Variants in DOCK7 observed in about 807,000 individuals in gnomAD.
The protein encoded by DOCK7 is dedicator of cytokinesis 7.
Under a neutral mutation model 271.0 loss-of-function variants are expected in DOCK7, and 138 were observed. That is an observed-to-expected ratio of 0.51 (90% CI 0.44 to 0.59). The LOEUF (loss-of-function observed/expected upper bound fraction) is 0.59, where lower values mean the gene tolerates loss of function less well. DOCK7 is among the 20% of genes least tolerant of loss of function. The probability of loss-of-function intolerance (pLI) is 0.00; values close to 1 mark genes in which losing one functional copy is unlikely to be tolerated. For synonymous variants in DOCK7, 823 were observed against 876.1 expected, an observed-to-expected ratio of 0.94 and a Z score of 1.07; for missense variants, 2,066 against 2,592.4, an observed-to-expected ratio of 0.80 and a Z score of 4.41.
rs1422512626 is a variant in DOCK7, at chr1:62,651,308, G to A, written c.389+2417C>T. 2.5e-5 allele frequency among the ~76,000 whole-genome samples: 3 copies of A among 120,162 alleles called. 1 individual carries two copies. The highest frequency in any genetic ancestry group is 8.8e-5 in the Admixed American group (1 of 11,330). 78.8% of individuals were successfully genotyped at this position (120,162 alleles called of 152,430 possible). ...AGGGGCCTGTTGTGGGGTGGGGGGA[G>A]GGGGAGGGGGAGGGATAGCATTAGG... On this transcript the variant is annotated intron_variant, in intron 4 of 49. Coordinates refer to ENST00000635253, the MANE Select transcript of DOCK7 (RefSeq NM_001367561.1).
rs1398200004 is a variant in DOCK7 at position 62,485,622 on chromosome 1, G to A, written c.5508+1776C>T. 2.4e-5 allele frequency: 24 copies of A among 985,100 alleles called. No homozygotes were observed. The South Asian group carries it at 8.9e-4, about 37-fold the overall frequency. The allele number at this position is 985,100 out of a possible 1,614,324, so 61.0% of individuals were successfully genotyped here. On this transcript the variant is annotated intron_variant, in intron 43 of 49. Coordinates refer to ENST00000635253, the MANE Select transcript of DOCK7 (RefSeq NM_001367561.1). The stretch of plus-strand genomic sequence containing the variant: ...AAACAAAATTACTGAAGTTTTCATC[G>A]AGTCAAAAAGAAAAATATACACAAG...
intron 42 of DOCK7, 155 bp from the exon 43 acceptor site, chr1:62,487,567 A>G (rs1276000957): frequency 5.1e-6 from 3 of 587,140 alleles, no homozygotes; most frequent in Non-Finnish European, 8.6e-6. Context: ...ACCTGCAATA[A>G]TTTCATAAAT....
At chr1:62,578,471 G>A (rs1034190229) in intron 17 of DOCK7, among the ~76,000 whole-genome samples, 2 of 152,108 alleles carry the variant, frequency 1.3e-5, no homozygotes, top group African/African-American at 4.8e-5. Flanking sequence ...TGTAATCCTA[G>A]CACTTTGGGA....
At chr1:62,644,153 T>C (rs1003084304) in intron 7 of DOCK7, among the ~76,000 whole-genome samples, 1 of 152,164 alleles carries the variant, frequency 6.6e-6, no homozygotes, top group African/African-American at 2.4e-5. Context: ...TTAAAGTGAA[T>C]TCCTCTAAAA....
chr1:62,510,514 T>C (rs1469356730), intron 34 of DOCK7, 63 bp downstream of exon 34: 1 of 1,243,426 alleles, frequency 8.0e-7, no homozygotes, highest in East Asian at 2.4e-5. Flanking sequence ...AAGTTATCAT[T>C]TTCCTCTTAC....
chr1:62,479,919 A>T (rs1486756391), intron 43 of DOCK7, among the ~76,000 whole-genome samples: 1 of 152,148 alleles, frequency 6.6e-6, no homozygotes, highest in East Asian at 1.9e-4. Flanking sequence ...TCCTGGGCTC[A>T]AGTGATCTAG....
intron 48 of DOCK7, among the ~76,000 whole-genome samples, chr1:62,470,614 T>C (rs1274711069): frequency 6.6e-6 from 1 of 152,040 alleles, no homozygotes; most frequent in Non-Finnish European, 1.5e-5. Context: ...ACCAACATGA[T>C]GAAACCCCAT....
intron 32 of DOCK7, 46 bp downstream of exon 32, chr1:62,513,670 A>G: frequency 6.2e-7 from 1 of 1,605,352 alleles, no homozygotes; most frequent in Non-Finnish European, 8.5e-7. Flanking sequence ...TTTCCACATT[A>G]TGTTTCTCCT....
At chr1:62,496,215 A>T (rs546323560) in intron 38 of DOCK7, 124 bp downstream of exon 38, 1 of 1,008,652 alleles carries the variant, frequency 9.9e-7, no homozygotes, top group Non-Finnish European at 1.5e-6. Context: ...ATGGCACATG[A>T]TGTGTGGATT....
chr1:62,573,206 CAAGAA>C (rs1406555023), intron 18 of DOCK7, among the ~76,000 whole-genome samples: 1 of 151,838 alleles, frequency 6.6e-6, no homozygotes, highest in Non-Finnish European at 1.5e-5. Flanking sequence ...ATGTCAAGAT[CAAGAA>C]AAGAAAAGAG....
At chr1:62,683,493 C>A (rs909298434) in intron 1 of DOCK7, among the ~76,000 whole-genome samples, 5 of 152,126 alleles carry the variant, frequency 3.3e-5, no homozygotes, top group African/African-American at 1.2e-4. Context: ...GGAAACCTTT[C>A]ATTAAATTAT....
intron 49 of DOCK7, 144 bp from the exon 50 acceptor site, chr1:62,455,600 A>G: frequency 1.4e-6 from 1 of 709,088 alleles, no homozygotes; most frequent in East Asian, 2.7e-5. Flanking sequence ...TGCTCATCCT[A>G]CCTACTCTGC....
At chr1:62,631,586 C>T (rs1352291563) in intron 10 of DOCK7, among the ~76,000 whole-genome samples, 181 bp from the exon 11 acceptor site, 2 of 152,130 alleles carry the variant, frequency 1.3e-5, no homozygotes, top group Non-Finnish European at 2.9e-5. Context: ...ACAAACTCAA[C>T]ACATTCTACA....
intron 14 of DOCK7, among the ~76,000 whole-genome samples, chr1:62,589,945 T>C (rs535547615): frequency 5.3e-5 from 8 of 150,184 alleles, no homozygotes; most frequent in Non-Finnish European, 1.2e-4. Context: ...AAGAATGGCA[T>C]CTTAAGAAAT....
rs1378725259 is a variant in DOCK7, at chr1:62,535,584, A to C, written c.3520T>G (p.Phe1174Val). ...TGGCGGAAAGGCACGGATAATTCAA[A>C]CATATTTGCAATCTTTTGGTCTTGT... ...NVQDQKIANM[F>V]ELSVPFRQQH... The change falls in exon 29 of 50, where the codon TTT becomes GTT. Residue 1174 changes from phenylalanine (F) to valine (V), a missense_variant. Physicochemically the swap from Phe to Val is conservative, Grantham distance 50 (BLOSUM62 -1). Coordinates refer to ENST00000635253, the MANE Select transcript of DOCK7 (RefSeq NM_001367561.1). 3.7e-6 allele frequency: 6 copies of C among 1,614,036 alleles called. No individual in the cohort carries two copies. The highest frequency in any genetic ancestry group is 5.1e-6 in the Non-Finnish European group (6 of 1,179,960).
In DOCK7 at chr1:62,555,958, C is replaced by T. The variant is rs1646128755; in HGVS notation, c.2463G>A (p.Met821Ile). The change falls in exon 21 of 50, where the codon ATG (methionine) becomes ATA (isoleucine). Residue 821 changes from methionine (M) to isoleucine (I), a missense_variant. Met to Ile is a conservative substitution (Grantham distance 10). Around this residue, in one of 2 missense-constraint regions of DOCK7, gnomAD observed 1,414 missense variants for 1,670.4 expected, o/e 0.85. Coordinates refer to ENST00000635253, the MANE Select transcript of DOCK7 (RefSeq NM_001367561.1). The part of the protein sequence containing the change: ...VNLGQASFEA[M>I]ASIINRLHKN... ...TGTGAAGTCGATTTATAATTGATGC[C>T]ATGGCTTCAAAAGATGCTTGACCTA... 6.2e-7 allele frequency: 1 copy of T among 1,613,570 alleles called. No homozygotes were observed. The highest frequency in any genetic ancestry group is 1.3e-5 in the African/African-American group (1 of 74,896).
In DOCK7 at chr1:62,633,397, G is replaced by C. The variant is rs1654866262; in HGVS notation, c.1116+101C>G. The C allele has an allele frequency of 4.2e-5, 36 of 859,116 alleles. No homozygotes were observed. The South Asian group carries it at 5.5e-4, about 13-fold the overall frequency. 53.2% of individuals were successfully genotyped at this position (859,116 alleles called of 1,614,324 possible). The stretch of plus-strand genomic sequence containing the variant: ...TTAATATGCTTTGTTGCATATTAAA[G>C]CTATTAATTGCTATTGCATATAAAA... On this transcript the variant is annotated intron_variant, in intron 10 of 49. Coordinates refer to ENST00000635253, the MANE Select transcript of DOCK7 (RefSeq NM_001367561.1).
In DOCK7 at chr1:62,455,464, A is replaced by G. The variant is rs745471049; in HGVS notation, c.6381-8T>C. The stretch of plus-strand genomic sequence containing the variant: ...ATTCGACTGAAGGAATCTCTGGGAA[A>G]AAAATGAGAGGACATAGTTAGTTAA... On this transcript the variant is annotated splice_polypyrimidine_tract_variant and splice_region_variant and intron_variant, in intron 49 of 49. Coordinates refer to ENST00000635253, the MANE Select transcript of DOCK7 (RefSeq NM_001367561.1). 2 of 1,613,456 alleles carry G rather than the reference A, an allele frequency of 1.2e-6. No individual in the cohort carries two copies. Among genetic ancestry groups the G allele is most frequent in the South Asian group, 2.2e-5 (2 of 91,054 alleles).
chr1:62,566,825 C>T (rs1450319419), intron 18 of DOCK7, among the ~76,000 whole-genome samples: 1 of 152,088 alleles, frequency 6.6e-6, no homozygotes, highest in Non-Finnish European at 1.5e-5. Flanking sequence ...ACCAGAACTA[C>T]AAAGAACTTA....
Sources: gnomAD v4.1 joint callset for allele counts (sites outside exome capture counted in the v4.1 genomes callset) on GRCh38, gnomAD v4.1.1 for gene constraint, gnomAD v4.1.1 regional missense constraint, MANE v1.5 for transcripts, NCBI Gene and HGNC (gene_info 2026-07-23, HGNC 2026-07-21) for gene names.